GPR173: variants seen among roughly 807,000 people sequenced by gnomAD.
GPR173 encodes G protein-coupled receptor 173.
A neutral mutation model predicts 13.9 loss-of-function variants in GPR173; 2 were observed. The observed-to-expected ratio is 0.14, with a 90% CI of 0.06 to 0.45. The LOEUF is 0.45. Among genes scored for constraint, GPR173 ranks in the 20% least tolerant of loss-of-function variants. The pLI, the probability that GPR173 is intolerant of heterozygous loss-of-function variation, is 0.98. For synonymous variants in GPR173, 131 were observed against 141.0 expected, an observed-to-expected ratio of 0.93 and a Z score of 0.50; for missense variants, 202 against 340.5, an observed-to-expected ratio of 0.59 and a Z score of 3.20.
chrX:53,070,200 A>G (rs782622366), intron 1 of GPR173, among the ~76,000 whole-genome samples: 1 of 111,679 alleles, frequency 9.0e-6, no homozygotes, highest in East Asian at 2.8e-4. Flanking sequence ...TATTGGGTCA[A>G]TGAGTATATA....
At chrX:53,062,023 A>G (rs782783864) in intron 1 of GPR173, among the ~76,000 whole-genome samples, 35 of 78,718 alleles carry the variant, frequency 4.4e-4, no homozygotes, top group African/African-American at 1.5e-3. Context: ...GAAGAGAAGA[A>G]AAGGGAGCCA....
chrX:53,051,836 T>C (rs1931961417), intron 1 of GPR173, among the ~76,000 whole-genome samples: 1 of 110,815 alleles, frequency 9.0e-6, no homozygotes, highest in Admixed American at 9.7e-5. Flanking sequence ...TGCATATTGG[T>C]GTGTGCTCAT....
At chrX:53,058,877 G>A (rs1469943304) in intron 1 of GPR173, among the ~76,000 whole-genome samples, 14 of 107,458 alleles carry the variant, frequency 1.3e-4, no homozygotes, top group African/African-American at 4.8e-4. Flanking sequence ...TGTAAATGGC[G>A]AACGCATTTC....
In GPR173 at chrX:53,079,500, T is replaced by G. The variant is rs1471133161; in HGVS notation, c.*1757T>G. ...ATTTAGGAGGGTTTTCCTCCATTTC[T>G]TTTTTCTAACTGCCTGGATTCACCA... On this transcript the variant is annotated 3_prime_UTR_variant, in exon 2 of 2. Coordinates refer to ENST00000332582, the MANE Select transcript of GPR173 (RefSeq NM_018969.6). 8.2e-6 allele frequency: 1 copy of G among 121,473 alleles called. No homozygotes were observed. Among genetic ancestry groups the G allele is most frequent in the Non-Finnish European group, 1.9e-5 (1 of 52,974 alleles). 10.0% of individuals were successfully genotyped at this position (121,473 alleles called of 1,213,427 possible).
rs1205265901 is a variant in GPR173, at chrX:53,079,455, G to C, written c.*1712G>C. ...GGGGTGGGGTGGGAAGACCAAGGGG[G>C]TGGGGGGTAGATAGGGTACATTTAG... On this transcript the variant is annotated 3_prime_UTR_variant, in exon 2 of 2. Transcript: ENST00000332582. 1 of 109,873 alleles carries C rather than the reference G, an allele frequency of 9.1e-6. No individual in the cohort carries two copies. Among genetic ancestry groups the C allele is most frequent in the East Asian group, 3.1e-4 (1 of 3,197 alleles). The allele number at this position is 109,873 out of a possible 1,213,427, so 9.1% of individuals were successfully genotyped here.
intron 1 of GPR173, among the ~76,000 whole-genome samples, chrX:53,054,072 T>G (rs1465703106): frequency 1.8e-5 from 2 of 111,339 alleles, no homozygotes; most frequent in Non-Finnish European, 3.8e-5. Context: ...AGGACCCAAA[T>G]TATGCCATCC....
chrX:53,053,145 A>T (rs1931986229), intron 1 of GPR173, among the ~76,000 whole-genome samples: 1 of 112,703 alleles, frequency 8.9e-6, no homozygotes, highest in South Asian at 3.6e-4. Context: ...AGCATATGGG[A>T]ATGAATTAAT....
rs1932469144 is a variant in GPR173 at position 53,078,022 on chromosome X, C to CTCTCTCTCTCTCTG, written c.*292_*293insGTCTCTCTCTCTCT. The CTCTCTCTCTCTCTG allele has an allele frequency of 5.9e-6, 1 of 170,254 alleles. No individual in the cohort carries two copies. Among genetic ancestry groups the CTCTCTCTCTCTCTG allele is most frequent in the African/African-American group, 7.6e-5 (1 of 13,239 alleles). The allele number at this position is 170,254 out of a possible 1,213,427, so 14.0% of individuals were successfully genotyped here. A position where few individuals can be genotyped will look rare whatever the true frequency, so the allele number is the denominator to read the frequency against. Reference sequence around the variant, plus strand: ...ATTCTCTCTCTCTCTCTCTCTGTCTCTCTCTCTCTCTCTCTCTCTCTCTCA... The same window carrying CTCTCTCTCTCTCTG: ...ATTCTCTCTCTCTCTCTCTCTGTCTCTCTCTCTCTCTCTGTCTCTCTCTCTCTCTCTCTCTCTCA... On this transcript the variant is annotated 3_prime_UTR_variant, in exon 2 of 2. Coordinates refer to ENST00000332582, the MANE Select transcript of GPR173 (RefSeq NM_018969.6).
At chrX:53,074,991 T>C (rs1932407373) in intron 1 of GPR173, among the ~76,000 whole-genome samples, 1 of 103,512 alleles carries the variant, frequency 9.7e-6, no homozygotes, top group African/African-American at 3.5e-5. Context: ...TCCTAGATCA[T>C]ACCACATCTG....
At position 53,061,760 on chromosome X, in the gene GPR173, A is replaced by G. The variant is rs143335747; in HGVS notation, c.-98+12276A>G. On this transcript the variant is annotated intron_variant, in intron 1 of 1. Coordinates refer to ENST00000332582, the MANE Select transcript of GPR173 (RefSeq NM_018969.6). ...CACACTTGAGCTCACTTCTAGAAAC[A>G]TGTCTTAGTCTGTTTTGTGCTGCTC... 5.5e-3 allele frequency among the ~76,000 whole-genome samples: 611 copies of G among 111,553 alleles called. 7 individuals carry two copies. Among genetic ancestry groups the G allele is most frequent in the African/African-American group, 0.019 (575 of 30,621 alleles).
chrX:53,061,733 G>T (rs1932128031), intron 1 of GPR173, among the ~76,000 whole-genome samples: 1 of 111,461 alleles, frequency 9.0e-6, no homozygotes, highest in South Asian at 3.7e-4. Flanking sequence ...AGTTTTTTAT[G>T]ACACACTTGA....
In GPR173 at chrX:53,067,838, A is replaced by AG. The variant is rs1932206706; in HGVS notation, c.-97-8687_-97-8686insG. ...GACTCCATCTCAAAAAAAAAAAAAA[A>AG]AAGAAAGCAGCACTCTGAAACAAAG... On this transcript the variant is annotated intron_variant, in intron 1 of 1. Transcript: ENST00000332582. Among the ~76,000 whole-genome samples the AG allele has an allele frequency of 1.4e-4, 15 of 110,463 alleles. No individual in the cohort carries two copies. In the South Asian group the frequency reaches 5.2e-3, roughly 38 times the overall value.
At chrX:53,065,577 C>A (rs886418144) in intron 1 of GPR173, 4 of 112,020 alleles carry the variant, frequency 3.6e-5, no homozygotes, top group African/African-American at 1.3e-4. Context: ...CTTGAAATAG[C>A]TGCGTGATCT....
intron 1 of GPR173, among the ~76,000 whole-genome samples, chrX:53,054,102 A>AGT (rs1556802987): frequency 9.0e-6 from 1 of 110,638 alleles, no homozygotes; most frequent in Non-Finnish European, 1.9e-5. Flanking sequence ...TCTAGATGTG[A>AGT]GTGTGTATAT....
At chrX:53,074,347 T>A in intron 1 of GPR173, among the ~76,000 whole-genome samples, 4 of 67,578 alleles carry the variant, frequency 5.9e-5, no homozygotes, top group South Asian at 8.0e-4. Context: ...TTTATATATA[T>A]TTATATATAT....
At chrX:53,056,896 A>C (rs1317901367) in intron 1 of GPR173, among the ~76,000 whole-genome samples, 1 of 111,370 alleles carries the variant, frequency 9.0e-6, no homozygotes, top group Non-Finnish European at 1.9e-5. Flanking sequence ...CTTGTGCTAA[A>C]GTGGTATGTA....
At chrX:53,067,936 A>G (rs1369646134) in intron 1 of GPR173, among the ~76,000 whole-genome samples, 1 of 112,621 alleles carries the variant, frequency 8.9e-6, no homozygotes, top group Admixed American at 9.4e-5. Context: ...GTAAAAACAA[A>G]AGATAGTAAG....
At chrX:53,052,676 CA>C in intron 1 of GPR173, among the ~76,000 whole-genome samples, 1 of 109,506 alleles carries the variant, frequency 9.1e-6, no homozygotes, top group South Asian at 3.9e-4. Context: ...CAGGCATACA[CA>C]GAGGTATATT....
At position 53,074,752 on chromosome X, in the gene GPR173, TATAA is replaced by T. The variant is rs1260941812; in HGVS notation, c.-97-1769_-97-1766del. ...GTATTTATATATAAATATAATTATA[TATAA>T]ATATATATAATTTATATATAAATTT... On this transcript the variant is annotated intron_variant, in intron 1 of 1. Transcript: ENST00000332582. 4.2e-5 allele frequency among the ~76,000 whole-genome samples: 4 copies of T among 94,713 alleles called. No homozygotes were observed. In the East Asian group the frequency reaches 9.3e-4, roughly 22 times the overall value. 82.2% of individuals were successfully genotyped at this position (94,713 alleles called of 115,157 possible). A position where few individuals can be genotyped will look rare whatever the true frequency, so the allele number is the denominator to read the frequency against.
Sources: allele counts gnomAD v4.1 joint callset (sites outside exome capture counted in the v4.1 genomes callset), GRCh38; gene constraint gnomAD v4.1.1; transcripts MANE v1.5; gene names NCBI Gene and HGNC (gene_info 2026-07-23, HGNC 2026-07-21).